ROBO1: variants seen among roughly 807,000 people sequenced by gnomAD.
ROBO1 encodes the protein roundabout homolog 1.
ROBO1 carries 149 observed loss-of-function variants against 195.9 expected under a neutral mutation model. The ratio of observed to expected loss-of-function variants is 0.76; its 90% CI spans 0.67 to 0.87. ROBO1 has a LOEUF of 0.87. ROBO1 is among the 40% of genes least tolerant of loss of function. The probability of loss-of-function intolerance (pLI) is 0.00; values close to 1 mark genes in which losing one functional copy is unlikely to be tolerated. For synonymous variants in ROBO1, 816 were observed against 733.2 expected (o/e 1.11, Z -1.82); for missense variants, 1,933 against 2,068.3 (o/e 0.93, Z 1.27).
intron 10 of ROBO1, among the ~76,000 whole-genome samples, chr3:78,679,897 A>C (rs1441543457): frequency 6.6e-6 from 1 of 152,086 alleles, no homozygotes; most frequent in African/African-American, 2.4e-5. Context: ...CAAAAGAACA[A>C]AGCTGGAGGC....
rs571724290 is a variant in ROBO1 at position 79,726,790 on chromosome 3, G to A, written c.-51+40962C>T. Reference sequence around the variant, plus strand: ...ATCGACATCTAGTCCTTTGAAAATAGGGTATATAAAGAGAGTAAAATCCAA... The same window carrying A: ...ATCGACATCTAGTCCTTTGAAAATAAGGTATATAAAGAGAGTAAAATCCAA... On this transcript the variant is annotated intron_variant, in intron 1 of 30. Coordinates refer to ENST00000464233, the MANE Select transcript of ROBO1 (RefSeq NM_002941.4). Among the ~76,000 whole-genome samples, 499 of 152,238 alleles carry A rather than the reference G, an allele frequency of 3.3e-3. 5 individuals are homozygous for A. The South Asian group carries it at 0.034, about 10-fold the overall frequency.
intron 1 of ROBO1, among the ~76,000 whole-genome samples, chr3:79,595,957 C>G (rs183235348): frequency 7.3e-5 from 11 of 151,722 alleles, no homozygotes; most frequent in Admixed American, 7.2e-4. Context: ...AAGGTCAGCC[C>G]CATTGTGGAT....
At chr3:78,808,593 AT>A (rs1299090659) in intron 4 of ROBO1, among the ~76,000 whole-genome samples, 2 of 152,214 alleles carry the variant, frequency 1.3e-5, no homozygotes, top group African/African-American at 2.4e-5. Flanking sequence ...TTTTCAAATT[AT>A]ATGGAAATAA....
chr3:79,116,366 C>T (rs144960737), intron 3 of ROBO1, among the ~76,000 whole-genome samples: 1,479 of 107,690 alleles, frequency 0.014, 17 homozygotes, highest in African/African-American at 0.045. Context: ...TTATTTTTTT[C>T]GTTCTTTTCT....
At chr3:79,494,831 A>T (rs1046572547) in intron 2 of ROBO1, among the ~76,000 whole-genome samples, 28 of 152,218 alleles carry the variant, frequency 1.8e-4, no homozygotes, top group African/African-American at 6.5e-4. Context: ...GGAAAAACTG[A>T]TGCAAAATGA....
intron 30 of ROBO1, 95 bp from the exon 31 acceptor site, chr3:78,599,022 G>A: frequency 2.9e-6 from 2 of 693,130 alleles, no homozygotes; most frequent in South Asian, 2.7e-5. Flanking sequence ...ATAATTTAAT[G>A]TGTCTTTTCA....
At position 78,735,283 on chromosome 3, in the gene ROBO1, T is replaced by G. The variant is rs149185478; in HGVS notation, c.657+11460A>C. ...CTGTTATCAACAGTCCTCAAAATAC[T>G]TTTGACTACTGTGGTTTGATTCTCA... On this transcript the variant is annotated intron_variant, in intron 5 of 30. Coordinates refer to ENST00000464233, the MANE Select transcript of ROBO1 (RefSeq NM_002941.4). Among the ~76,000 whole-genome samples, 31 of 152,302 alleles carry G rather than the reference T, an allele frequency of 2.0e-4. 1 individual carries two copies. In the East Asian group the frequency reaches 6.0e-3, roughly 29 times the overall value.
intron 3 of ROBO1, among the ~76,000 whole-genome samples, chr3:78,965,249 T>C (rs1317833551): frequency 2.0e-5 from 3 of 152,134 alleles, no homozygotes; most frequent in Non-Finnish European, 4.4e-5. Flanking sequence ...TCAATACATT[T>C]AGGAAAATTC....
intron 3 of ROBO1, among the ~76,000 whole-genome samples, chr3:78,960,431 C>T (rs1244320997): frequency 1.3e-5 from 2 of 150,702 alleles, no homozygotes; most frequent in East Asian, 1.9e-4. Flanking sequence ...AAACTTAAAA[C>T]AATTATTTTA....
intron 2 of ROBO1, among the ~76,000 whole-genome samples, chr3:79,189,283 G>A (rs1003145665): frequency 5.9e-5 from 9 of 151,692 alleles, no homozygotes; most frequent in African/African-American, 2.2e-4. Flanking sequence ...ATATTAATAA[G>A]AGGAATTTAT....
chr3:79,055,411 G>C (rs1012779292), intron 3 of ROBO1, among the ~76,000 whole-genome samples: 1 of 152,058 alleles, frequency 6.6e-6, no homozygotes, highest in Admixed American at 6.6e-5. Context: ...GAGGGCTGAT[G>C]TTTCTATTAT....
chr3:79,063,809 G>A (rs1434287783), intron 3 of ROBO1, among the ~76,000 whole-genome samples: 3 of 151,264 alleles, frequency 2.0e-5, no homozygotes, highest in Admixed American at 6.6e-5. Flanking sequence ...ATAGGCAAAC[G>A]TGAAAAAAAA....
chr3:79,597,444 A>T (rs1232854467), intron 1 of ROBO1, among the ~76,000 whole-genome samples: 1 of 152,074 alleles, frequency 6.6e-6, no homozygotes, highest in East Asian at 1.9e-4. Flanking sequence ...GCATACACAT[A>T]AAAATAGAGT....
chr3:79,600,164 T>A (rs1347352087), intron 1 of ROBO1, among the ~76,000 whole-genome samples: 1 of 152,044 alleles, frequency 6.6e-6, no homozygotes. Context: ...ACGCATGATG[T>A]CTGGTCATCC....
chr3:79,761,061 A>G (rs1169006130), intron 1 of ROBO1, among the ~76,000 whole-genome samples: 2 of 148,430 alleles, frequency 1.3e-5, no homozygotes, highest in African/African-American at 4.9e-5. Context: ...TATAATATAT[A>G]TGCACTATAT....
At chr3:79,336,931 T>C (rs917523421) in intron 2 of ROBO1, among the ~76,000 whole-genome samples, 3 of 152,130 alleles carry the variant, frequency 2.0e-5, no homozygotes, top group Non-Finnish European at 4.4e-5. Flanking sequence ...TTGTAACTTT[T>C]TATGTTTAGT....
intron 3 of ROBO1, among the ~76,000 whole-genome samples, chr3:78,951,170 A>T (rs1437355571): frequency 6.6e-6 from 1 of 151,888 alleles, no homozygotes; most frequent in African/African-American, 2.4e-5. Context: ...TATAAATCTC[A>T]TAAGAGTACG....
intron 2 of ROBO1, among the ~76,000 whole-genome samples, chr3:79,446,297 T>C (rs1298474638): frequency 6.6e-6 from 1 of 152,198 alleles, no homozygotes. Context: ...CCTCTAAAAT[T>C]GTATTTATCA....
chr3:79,531,937 G>T (rs866743447), intron 2 of ROBO1, among the ~76,000 whole-genome samples: 2 of 152,164 alleles, frequency 1.3e-5, no homozygotes, highest in South Asian at 2.1e-4. Context: ...AGTAGGAACA[G>T]GAGAATTAAG....
Sources: allele counts gnomAD v4.1 joint callset (sites outside exome capture counted in the v4.1 genomes callset), GRCh38; gene constraint gnomAD v4.1.1; transcripts MANE v1.5; gene names NCBI Gene and HGNC (gene_info 2026-07-23, HGNC 2026-07-21).